The following GALNT7 variants were observed in gnomAD, a reference collection of about 807,000 sequenced individuals.
GALNT7 encodes polypeptide N-acetylgalactosaminyltransferase 7, also known as N-acetylgalactosaminyltransferase 7.
A neutral mutation model predicts 82.1 loss-of-function variants in GALNT7; 60 were observed. The observed-to-expected ratio is 0.73, with a 90% CI of 0.59 to 0.91. The LOEUF (loss-of-function observed/expected upper bound fraction) is 0.91. Among genes scored for constraint, GALNT7 ranks in the 40% least tolerant of loss-of-function variants. The probability of loss-of-function intolerance (pLI) is 0.00; values close to 1 mark genes in which losing one functional copy is unlikely to be tolerated. For synonymous variants in GALNT7, 243 were observed against 275.1 expected (o/e 0.88, Z 1.15); for missense variants, 660 against 804.2 (o/e 0.82, Z 2.17).
intron 2 of GALNT7, among the ~76,000 whole-genome samples, chr4:173,252,697 A>G (rs1734890964): frequency 6.6e-6 from 1 of 152,170 alleles, no homozygotes; most frequent in Non-Finnish European, 1.5e-5. Context: ...TTTTTTCTAT[A>G]AAATACAAAT....
intron 2 of GALNT7, among the ~76,000 whole-genome samples, chr4:173,270,371 AAAT>A (rs1735678407): frequency 1.3e-5 from 2 of 152,212 alleles, no homozygotes; most frequent in South Asian, 4.1e-4. Context: ...ATTGAAAAAA[AAAT>A]GCTTGTTTTT....
At chr4:173,254,312 G>A (rs567685784) in intron 2 of GALNT7, among the ~76,000 whole-genome samples, 3 of 152,134 alleles carry the variant, frequency 2.0e-5, no homozygotes, top group Admixed American at 6.5e-5. Flanking sequence ...TTCTTATACT[G>A]TAATTTTATC....
chr4:173,168,828 G>A lies in GALNT7; in HGVS notation c.-8G>A. The A allele has an allele frequency of 6.2e-7, 1 of 1,600,162 alleles. No individual in the cohort carries two copies. The highest frequency in any genetic ancestry group is 8.5e-7 in the Non-Finnish European group (1 of 1,171,802). On this transcript the variant is annotated 5_prime_UTR_variant, in exon 1 of 12. Transcript: ENST00000265000. ...GCCGGGCTGTGAGTCTCTCGCCGCC[G>A]GAGGAAGATGAGGCTGAAGATTGGG...
At chr4:173,238,944 C>CA in intron 1 of GALNT7, among the ~76,000 whole-genome samples, 1 of 152,132 alleles carries the variant, frequency 6.6e-6, no homozygotes, top group East Asian at 1.9e-4. Context: ...TTTTCTGTTG[C>CA]AAAAATTAAC....
At chr4:173,259,918 G>T (rs1012610328) in intron 2 of GALNT7, among the ~76,000 whole-genome samples, 2 of 152,118 alleles carry the variant, frequency 1.3e-5, no homozygotes, top group African/African-American at 4.8e-5. Flanking sequence ...GATTACAGGC[G>T]TGAGCCACCA....
At chr4:173,241,209 T>TA (rs749363253) in intron 1 of GALNT7, among the ~76,000 whole-genome samples, 59 of 60,236 alleles carry the variant, frequency 9.8e-4, no homozygotes, top group East Asian at 2.5e-3. Flanking sequence ...CATCTCTATT[T>TA]AAAAAAAAAA....
At chr4:173,220,195 G>A (rs1733599522) in intron 1 of GALNT7, among the ~76,000 whole-genome samples, 1 of 152,146 alleles carries the variant, frequency 6.6e-6, no homozygotes, top group Non-Finnish European at 1.5e-5. Flanking sequence ...TGAGGAACCA[G>A]CTTCATTCTT....
chr4:173,246,177 C>T (rs1054165454), intron 1 of GALNT7, among the ~76,000 whole-genome samples: 2 of 152,200 alleles, frequency 1.3e-5, no homozygotes, highest in Non-Finnish European at 2.9e-5. Context: ...GACTCTTGCC[C>T]ATTGAAATGG....
At chr4:173,214,422 T>C (rs1171786551) in intron 1 of GALNT7, among the ~76,000 whole-genome samples, 3 of 152,196 alleles carry the variant, frequency 2.0e-5, no homozygotes, top group Non-Finnish European at 2.9e-5. Flanking sequence ...AAGGTCATGG[T>C]AGCTTCAGAC....
chr4:173,210,212 C>T (rs921892960), intron 1 of GALNT7, among the ~76,000 whole-genome samples: 3 of 152,032 alleles, frequency 2.0e-5, no homozygotes, highest in African/African-American at 7.2e-5. Flanking sequence ...ATAACTGGCT[C>T]CAGCCAGAAG....
chr4:173,229,893 AG>A (rs1313268048), intron 1 of GALNT7, among the ~76,000 whole-genome samples: 3 of 151,644 alleles, frequency 2.0e-5, no homozygotes, highest in African/African-American at 4.8e-5. Context: ...AAGCCTTTGG[AG>A]GTTCTGTTCC....
At chr4:173,319,859 C>T (rs932681033) in intron 11 of GALNT7, among the ~76,000 whole-genome samples, 2 of 152,110 alleles carry the variant, frequency 1.3e-5, no homozygotes, top group South Asian at 4.2e-4. Context: ...AAGAGTGATT[C>T]ATGGGAGGAA....
chr4:173,257,723 C>G (rs113929655), intron 2 of GALNT7, among the ~76,000 whole-genome samples: 283 of 152,228 alleles, frequency 1.9e-3, no homozygotes, highest in African/African-American at 6.5e-3. Flanking sequence ...TAGAATGAAC[C>G]CTGCCATTTT....
At chr4:173,180,514 G>A (rs1478698301) in intron 1 of GALNT7, among the ~76,000 whole-genome samples, 1 of 152,088 alleles carries the variant, frequency 6.6e-6, no homozygotes, top group African/African-American at 2.4e-5. Flanking sequence ...TTTTAGTAGA[G>A]ATGGGGTTTC....
At chr4:173,307,723 A>G (rs1737211704) in intron 8 of GALNT7, among the ~76,000 whole-genome samples, 1 of 152,192 alleles carries the variant, frequency 6.6e-6, no homozygotes, top group African/African-American at 2.4e-5. Flanking sequence ...AACTATAGCA[A>G]TGGTTCTAGT....
At chr4:173,237,481 C>G (rs1579941715) in intron 1 of GALNT7, among the ~76,000 whole-genome samples, 1 of 152,306 alleles carries the variant, frequency 6.6e-6, no homozygotes, top group Non-Finnish European at 1.5e-5. Flanking sequence ...CAAACATTCT[C>G]TCCCAACACA....
chr4:173,176,051 C>T (rs547232238), intron 1 of GALNT7, among the ~76,000 whole-genome samples: 17 of 149,542 alleles, frequency 1.1e-4, no homozygotes, highest in Admixed American at 2.7e-4. Context: ...CAAGCCTGGG[C>T]AACAAAACGA....
intron 1 of GALNT7, among the ~76,000 whole-genome samples, chr4:173,218,546 T>C (rs1428741731): frequency 6.6e-6 from 1 of 151,984 alleles, no homozygotes; most frequent in East Asian, 1.9e-4. Context: ...TATTGACAGT[T>C]GTTTGAAGGA....
intron 1 of GALNT7, among the ~76,000 whole-genome samples, chr4:173,171,851 G>A (rs2332655): frequency 0.52 from 79,186 of 152,036 alleles, 20,832 homozygotes; most frequent in East Asian, 0.7. Context: ...ATCAAACCTC[G>A]ATAAATATAT....
Sources: gnomAD v4.1 joint callset for allele counts (sites outside exome capture counted in the v4.1 genomes callset) on GRCh38, gnomAD v4.1.1 for gene constraint, MANE v1.5 for transcripts, NCBI Gene and HGNC (gene_info 2026-07-23, HGNC 2026-07-21) for gene names.